The following SENP1 variants were observed in gnomAD, a reference collection of about 807,000 sequenced individuals.
SENP1 encodes the protein sentrin-specific protease 1.
Under a neutral mutation model 93.0 loss-of-function variants are expected in SENP1, and 21 were observed. That is an observed-to-expected ratio of 0.23 (90% CI 0.16 to 0.33). The LOEUF (loss-of-function observed/expected upper bound fraction) is 0.33, where lower values mean the gene tolerates loss of function less well. Among genes scored for constraint, SENP1 ranks in the 10% least tolerant of loss-of-function variants. SENP1 has a pLI of 1.00. For synonymous variants in SENP1, 256 were observed against 259.6 expected, an observed-to-expected ratio of 0.99 and a Z score of 0.13; for missense variants, 591 against 758.7, an observed-to-expected ratio of 0.78 and a Z score of 2.60.
chr12:48,075,194 G>C (rs1480833467), intron 6 of SENP1, among the ~76,000 whole-genome samples: 3 of 148,318 alleles, frequency 2.0e-5, no homozygotes, highest in Non-Finnish European at 3.0e-5. Flanking sequence ...CCAGCCTGGG[G>C]GCAGAGCAAG....
chr12:48,049,240 A>G, intron 13 of SENP1, 108 bp from the exon 14 acceptor site: 1 of 801,876 alleles, frequency 1.2e-6, no homozygotes, highest in East Asian at 2.5e-5. Context: ...TAATAAACTG[A>G]ATTAAGTCTT....
At chr12:48,057,466 G>T (rs911584147) in intron 13 of SENP1, among the ~76,000 whole-genome samples, 3 of 148,738 alleles carry the variant, frequency 2.0e-5, no homozygotes, top group African/African-American at 7.3e-5. Flanking sequence ...CTGACCTCAG[G>T]TGATCCACCT....
rs747697215 is a variant in SENP1, at chr12:48,071,677, G to A, written c.985C>T (p.Pro329Ser). ...TTTTCCAAAGTTTACCTGGGAGTTG[G>A]AGTCTGGGAATCTTTCACTTTCAGT... Reference protein sequence around the residue: ...ILLKVKDSQTPTPSSTFFQAE... With the variant: ...ILLKVKDSQTSTPSSTFFQAE... The change falls in exon 9 of 18, where the codon CCA becomes TCA. Residue 329 changes from proline (P) to serine (S), a missense_variant. By Grantham distance (74) the Pro-to-Ser change is moderately conservative (BLOSUM62 -1). Transcript: ENST00000549518. 17 of 1,605,444 alleles carry A rather than the reference G, an allele frequency of 1.1e-5. No homozygotes were observed. Among genetic ancestry groups the A allele is most frequent in the Non-Finnish European group, 1.4e-5 (16 of 1,172,836 alleles).
At chr12:48,063,867 A>G (rs1291725145) in intron 12 of SENP1, 26 bp from the exon 13 acceptor site, 1 of 1,597,636 alleles carries the variant, frequency 6.3e-7, no homozygotes, top group Non-Finnish European at 8.5e-7. Context: ...GTGTCAAGAC[A>G]TCAAACACGC....
At position 48,074,796 on chromosome 12, in the gene SENP1, A is replaced by G. The variant is rs766881501; in HGVS notation, c.553-3T>C. 30 of 1,562,898 alleles carry G rather than the reference A, an allele frequency of 1.9e-5. No individual in the cohort carries two copies. Among genetic ancestry groups the G allele is most frequent in the Non-Finnish European group, 2.5e-5 (29 of 1,148,778 alleles). Reference sequence around the variant, plus strand: ...TCTCTTTCTTCTTCTTGAACTGTCTATAAGAAAACAAAAAAAAAAAACAGT... The same window carrying G: ...TCTCTTTCTTCTTCTTGAACTGTCTGTAAGAAAACAAAAAAAAAAAACAGT... On this transcript the variant is annotated splice_region_variant and splice_polypyrimidine_tract_variant and intron_variant, in intron 6 of 17. Transcript: ENST00000549518.
intron 6 of SENP1, among the ~76,000 whole-genome samples, chr12:48,077,578 G>T (rs559130079): frequency 6.6e-6 from 1 of 151,834 alleles, no homozygotes; most frequent in Non-Finnish European, 1.5e-5. Flanking sequence ...GCTATATAAC[G>T]GGTTCACTTT....
chr12:48,045,845 G>C (rs1233991009), intron 17 of SENP1, among the ~76,000 whole-genome samples: 3 of 152,192 alleles, frequency 2.0e-5, no homozygotes, highest in Non-Finnish European at 4.4e-5. Context: ...GAACACATCA[G>C]AATAAACCAT....
chr12:48,077,315 T>A (rs538967653), intron 6 of SENP1, among the ~76,000 whole-genome samples: 23 of 152,356 alleles, frequency 1.5e-4, no homozygotes, highest in Admixed American at 8.5e-4. Flanking sequence ...CCTATGACTT[T>A]GCGTGCAAAT....
chr12:48,059,236 T>C (rs113287863), intron 13 of SENP1, among the ~76,000 whole-genome samples: 86 of 152,316 alleles, frequency 5.6e-4, no homozygotes, highest in Middle Eastern at 3.4e-3. Flanking sequence ...ACTCCAATTA[T>C]ATGCTTAACC....
At chr12:48,099,492 T>C (rs1945779198) in intron 2 of SENP1, among the ~76,000 whole-genome samples, 1 of 152,120 alleles carries the variant, frequency 6.6e-6, no homozygotes, top group South Asian at 2.1e-4. Context: ...CTGGTTCATT[T>C]CCTGTTTTAA....
chr12:48,069,175 A>AG (rs1376593354), intron 9 of SENP1, among the ~76,000 whole-genome samples: 1 of 150,810 alleles, frequency 6.6e-6, no homozygotes, highest in Non-Finnish European at 1.5e-5. Flanking sequence ...AAAAAAAAAA[A>AG]AAAGAAAGAA....
At chr12:48,058,822 T>A (rs927760523) in intron 13 of SENP1, among the ~76,000 whole-genome samples, 1 of 152,194 alleles carries the variant, frequency 6.6e-6, no homozygotes. Context: ...TTTCTTCTGG[T>A]ACAGGTCTGT....
At chr12:48,071,792 T>A in intron 8 of SENP1, 71 bp from the exon 9 acceptor site, 2 of 991,868 alleles carry the variant, frequency 2.0e-6, no homozygotes, top group East Asian at 2.5e-5. Flanking sequence ...TATCTTAGTT[T>A]AAGTTCCCAT....
At chr12:48,070,476 G>A (rs1943613139) in intron 9 of SENP1, among the ~76,000 whole-genome samples, 1 of 152,024 alleles carries the variant, frequency 6.6e-6, no homozygotes, top group African/African-American at 2.4e-5. Flanking sequence ...TGAGCATAGG[G>A]ACTTCACATT....
Position 48,063,755 on chromosome 12 carries a change from G to C in SENP1, c.1362C>G (p.Arg454=). 6.2e-7 allele frequency: 1 copy of C among 1,613,124 alleles called. No individual in the cohort carries two copies. The highest frequency in any genetic ancestry group is 1.7e-4 in the Middle Eastern group (1 of 6,056). Residue 454 remains arginine (R), a synonymous_variant, in exon 13 of 18, where the codon CGC becomes CGG. Coordinates refer to ENST00000549518, the MANE Select transcript of SENP1 (RefSeq NM_001267594.2). ...LSEAFRLTIT[R]KDIQTLNHLN... The stretch of plus-strand genomic sequence containing the variant: ...GATGGTTTAGAGTTTGAATATCTTT[G>C]CGTGTAATGGTCAGGCGAAATGCTT...
At chr12:48,084,996 G>A (rs1944751356) in intron 5 of SENP1, 5 of 755,022 alleles carry the variant, frequency 6.6e-6, no homozygotes, top group Non-Finnish European at 1.1e-5. Context: ...GTTTGTACGT[G>A]TGTTAAGAAT....
At position 48,051,292 on chromosome 12, in the gene SENP1, T is replaced by C. The variant is rs541316723; in HGVS notation, c.1408-2160A>G. ...AGAGAACCCCAGTCATCAGACACCA[T>C]GGTATCTGTTCCCTTTGAGAATTCC... On this transcript the variant is annotated intron_variant, in intron 13 of 17. Transcript: ENST00000549518. Among the ~76,000 whole-genome samples, 20 of 152,250 alleles carry C rather than the reference T, an allele frequency of 1.3e-4. No individual in the cohort carries two copies. The South Asian group carries it at 3.5e-3, about 27-fold the overall frequency.
chr12:48,055,441 G>C (rs75064228), intron 13 of SENP1: 8,970 of 152,290 alleles, frequency 0.059, 355 homozygotes, highest in Non-Finnish European at 0.093. Flanking sequence ...TTATGGGCTT[G>C]GTCCCCCAGG....
chr12:48,096,998 A>G (rs537306362), intron 3 of SENP1, among the ~76,000 whole-genome samples: 14 of 152,160 alleles, frequency 9.2e-5, no homozygotes, highest in Admixed American at 6.5e-4. Flanking sequence ...TTATATTTAT[A>G]TATTATACGT....
Sources: gnomAD v4.1 joint callset for allele counts (sites outside exome capture counted in the v4.1 genomes callset) on GRCh38, gnomAD v4.1.1 for gene constraint, MANE v1.5 for transcripts, NCBI Gene and HGNC (gene_info 2026-07-23, HGNC 2026-07-21) for gene names.